Variants in LYST observed in about 807,000 individuals in gnomAD.
LYST encodes the protein lysosomal-trafficking regulator.
LYST carries 192 observed loss-of-function variants against 413.6 expected under a neutral mutation model. The ratio of observed to expected loss-of-function variants is 0.46; its 90% CI spans 0.41 to 0.52. The LOEUF (loss-of-function observed/expected upper bound fraction) is 0.52. Ranked by LOEUF, LYST falls within the 20% of genes least tolerant of loss-of-function variation. The pLI, the probability that LYST is intolerant of heterozygous loss-of-function variation, is 0.00. For missense variants in LYST, 3,815 were observed against 4,499.9 expected, an observed-to-expected ratio of 0.85 and a Z score of 4.35; for synonymous variants, 1,525 against 1,567.3, an observed-to-expected ratio of 0.97 and a Z score of 0.64.
rs1329998353 is a variant in LYST at position 235,805,781 on chromosome 1, T to C, written c.3355A>G (p.Thr1119Ala). The C allele has an allele frequency of 6.2e-7, 1 of 1,613,602 alleles. No individual in the cohort carries two copies. Among genetic ancestry groups the C allele is most frequent in the South Asian group, 1.1e-5 (1 of 91,070 alleles). ...LLAICLHGAR[T>A]SQQKMELELP... The stretch of plus-strand genomic sequence containing the variant: ...TCCAATTCCATCTTCTGTTGACTAG[T>C]TCTGGCACCATGAAGACAAATGGCC... Residue 1119 changes from threonine to alanine, a missense_variant, in exon 6 of 53, where the codon ACT becomes GCT. Coordinates refer to ENST00000389793, the MANE Select transcript of LYST (RefSeq NM_000081.4).
intron 24 of LYST, among the ~76,000 whole-genome samples, chr1:235,756,798 ATAAG>A (rs1268404277): frequency 6.6e-5 from 10 of 152,186 alleles, no homozygotes; most frequent in South Asian, 2.1e-4. Flanking sequence ...AGAATAAATA[ATAAG>A]TAAGATTAGA....
At chr1:235,773,301 G>A (rs916206958) in intron 19 of LYST, among the ~76,000 whole-genome samples, 1 of 150,826 alleles carries the variant, frequency 6.6e-6, no homozygotes, top group East Asian at 1.9e-4. Flanking sequence ...CTGGGCAAAA[G>A]AGTAAAACTC....
chr1:235,764,476 ATTTCTTTTTTTTTCT>A (rs1240149947), intron 21 of LYST, among the ~76,000 whole-genome samples: 1 of 109,852 alleles, frequency 9.1e-6, no homozygotes, highest in African/African-American at 3.5e-5. Flanking sequence ...CATTTACTAC[ATTTCTTTTTTTTTCT>A]TTTCTTTTTT....
rs184129750 is a variant in LYST, at chr1:235,729,037, T to A, written c.9106+559A>T. Among the ~76,000 whole-genome samples, 6 of 152,276 alleles carry A rather than the reference T, an allele frequency of 3.9e-5. No individual in the cohort carries two copies. In the East Asian group the frequency reaches 1.2e-3, roughly 29 times the overall value. ...TGCTACTAATTCAGGGTTCTCACAC[T>A]TGGAGAACCTAGCCTACAGCATACA... On this transcript the variant is annotated intron_variant, in intron 37 of 52. Coordinates refer to ENST00000389793, the MANE Select transcript of LYST (RefSeq NM_000081.4).
chr1:235,698,653 T>C (rs1449431599), intron 45 of LYST, among the ~76,000 whole-genome samples: 3 of 151,958 alleles, frequency 2.0e-5, no homozygotes, highest in Non-Finnish European at 4.4e-5. Flanking sequence ...GGGCGGATCA[T>C]GAAGTCAGGA....
intron 23 of LYST, among the ~76,000 whole-genome samples, 197 bp downstream of exon 23, chr1:235,758,775 T>A (rs1374116814): frequency 6.6e-6 from 1 of 152,244 alleles, no homozygotes; most frequent in African/African-American, 2.4e-5. Context: ...TTTGGTTAAA[T>A]ATGGAATTCA....
Position 235,672,733 on chromosome 1 carries a change from G to A in LYST, c.11038+4358C>T, listed in dbSNP as rs530968944. Among the ~76,000 whole-genome samples, 30 of 152,158 alleles carry A rather than the reference G, an allele frequency of 2.0e-4. No homozygotes were observed. The South Asian group carries it at 6.0e-3, about 31-fold the overall frequency. On this transcript the variant is annotated intron_variant, in intron 50 of 52. Coordinates refer to ENST00000389793, the MANE Select transcript of LYST (RefSeq NM_000081.4). ...TAATTCTAGAAACTCGATTACCATGGACTAAGTGTTTTCCCGTTACCCTAT... is the reference window on the plus strand; with the variant it reads ...TAATTCTAGAAACTCGATTACCATGAACTAAGTGTTTTCCCGTTACCCTAT...
At chr1:235,717,928 A>G (rs1342697357) in intron 40 of LYST, among the ~76,000 whole-genome samples, 1 of 151,454 alleles carries the variant, frequency 6.6e-6, no homozygotes, top group Non-Finnish European at 1.5e-5. Flanking sequence ...AAGTGGCGTG[A>G]TCTCAGCTCA....
chr1:235,709,929 T>C (rs1287866668), intron 43 of LYST, among the ~76,000 whole-genome samples: 1 of 139,850 alleles, frequency 7.2e-6, no homozygotes, highest in African/African-American at 3.4e-5. Flanking sequence ...AGGGTTCTTC[T>C]GTGATGTAAA....
intron 4 of LYST, 79 bp downstream of exon 4, chr1:235,812,892 G>C: frequency 1.2e-6 from 1 of 830,802 alleles, no homozygotes; most frequent in Non-Finnish European, 2.1e-6. Flanking sequence ...ATCTGAATCA[G>C]AATCAAACAT....
At chr1:235,763,933 C>G (rs897822493) in intron 21 of LYST, among the ~76,000 whole-genome samples, 4 of 152,184 alleles carry the variant, frequency 2.6e-5, no homozygotes, top group Non-Finnish European at 5.9e-5. Context: ...CGAATGTCAA[C>G]TCCTGCTTAA....
In LYST at chr1:235,746,366, C is replaced by G; in HGVS notation, c.7942G>C (p.Val2648Leu). The G allele has an allele frequency of 6.2e-7, 1 of 1,613,898 alleles. No homozygotes were observed. Among genetic ancestry groups the G allele is most frequent in the Non-Finnish European group, 8.5e-7 (1 of 1,179,864 alleles). ...ELAQRLQRLT[V>L]LAVNRIIYQE... ...TAAATAATCCTGTTGACTGCTAAAA[C>G]AGTGAGCCTCTGTAGTCTCTGCGCA... Residue 2648 changes from valine to leucine, a missense_variant, in exon 29 of 53, where the codon GTT (valine) becomes CTT (leucine). Physicochemically the swap from Val to Leu is conservative, Grantham distance 32 (BLOSUM62 1). Coordinates refer to ENST00000389793, the MANE Select transcript of LYST (RefSeq NM_000081.4).
At chr1:235,690,802 G>T (rs1660581578) in intron 47 of LYST, among the ~76,000 whole-genome samples, 1 of 152,160 alleles carries the variant, frequency 6.6e-6, no homozygotes, top group South Asian at 2.1e-4. Flanking sequence ...AATGGTAAGA[G>T]AACTTCCCAT....
intron 50 of LYST, among the ~76,000 whole-genome samples, chr1:235,671,034 A>C (rs1427877734): frequency 2.6e-5 from 4 of 152,230 alleles, no homozygotes; most frequent in Admixed American, 2.6e-4. Flanking sequence ...ATTTGGGAAA[A>C]GAAATGGAGC....
In LYST at chr1:235,809,318, C is replaced by T. The variant is rs758029213; in HGVS notation, c.1500G>A (p.Arg500=). Residue 500 remains arginine (R), a synonymous_variant, in exon 5 of 53, where the codon AGG becomes AGA. Coordinates refer to ENST00000389793, the MANE Select transcript of LYST (RefSeq NM_000081.4). This position sits in a 1 kb window ranked among gnomAD's most constrained non-coding sequence, Gnocchi z 4.0. The part of the protein sequence containing the change: ...QLHHSMCTRK[R]HRRCEYSHFM... ...AATGAGAATATTCACATCGTCTGTG[C>T]CTTTTTCTTGTACACATCGAATGAT... 5 of 1,613,928 alleles carry T rather than the reference C, an allele frequency of 3.1e-6. No individual in the cohort carries two copies. The African/African-American group carries it at 6.7e-5, about 22-fold the overall frequency.
At chr1:235,842,957 C>T (rs1221325854) in intron 1 of LYST, among the ~76,000 whole-genome samples, 1 of 152,156 alleles carries the variant, frequency 6.6e-6, no homozygotes, top group Non-Finnish European at 1.5e-5. Context: ...ACTACACCCG[C>T]CCCTCACAGC....
chr1:235,782,312 G>A (rs1053909583), intron 14 of LYST, among the ~76,000 whole-genome samples: 1 of 151,918 alleles, frequency 6.6e-6, no homozygotes, highest in Non-Finnish European at 1.5e-5. Flanking sequence ...GGGATTACAG[G>A]TGCCCGCCAC....
At chr1:235,722,222 C>CGAGATT (rs1663434403) in intron 39 of LYST, among the ~76,000 whole-genome samples, 1 of 152,124 alleles carries the variant, frequency 6.6e-6, no homozygotes. Context: ...TAACAAGGTA[C>CGAGATT]GAGATTATCC....
intron 31 of LYST, chr1:235,738,844 A>T: frequency 1.3e-6 from 1 of 774,784 alleles, no homozygotes; most frequent in South Asian, 1.3e-5. Flanking sequence ...GGAATAAAGG[A>T]TGATGTCTTC....
Sources: allele counts gnomAD v4.1 joint callset (sites outside exome capture counted in the v4.1 genomes callset), GRCh38; gene constraint gnomAD v4.1.1; non-coding constraint Gnocchi (gnomAD v3.1); transcripts MANE v1.5; gene names NCBI Gene and HGNC (gene_info 2026-07-23, HGNC 2026-07-21).